Variants in MACROD2 observed in about 807,000 individuals in gnomAD.
MACROD2 encodes ADP-ribose glycohydrolase MACROD2.
Under a neutral mutation model 70.4 loss-of-function variants are expected in MACROD2, and 36 were observed. The observed-to-expected ratio is 0.51, with a 90% CI of 0.39 to 0.68. MACROD2 has a LOEUF of 0.68. MACROD2 is among the 30% of genes least tolerant of loss of function. The pLI, the probability that MACROD2 is intolerant of heterozygous loss-of-function variation, is 0.00. For synonymous variants in MACROD2, 172 were observed against 178.8 expected, an observed-to-expected ratio of 0.96 and a Z score of 0.30; for missense variants, 496 against 538.4, an observed-to-expected ratio of 0.92 and a Z score of 0.78.
At chr20:15,268,035 A>G (rs2077312405) in intron 6 of MACROD2, among the ~76,000 whole-genome samples, 1 of 152,228 alleles carries the variant, frequency 6.6e-6, no homozygotes, top group Admixed American at 6.5e-5. Flanking sequence ...CTGAGGAGAA[A>G]GTCCTAACAA....
At chr20:15,240,758 T>C (rs1470693071) in intron 6 of MACROD2, among the ~76,000 whole-genome samples, 1 of 152,070 alleles carries the variant, frequency 6.6e-6, no homozygotes. Context: ...TTAAATGAGT[T>C]GATAAGGATG....
At chr20:15,388,349 A>G (rs1007585490) in intron 6 of MACROD2, among the ~76,000 whole-genome samples, 1 of 152,136 alleles carries the variant, frequency 6.6e-6, no homozygotes, top group Non-Finnish European at 1.5e-5. Context: ...TCAGGTCCTT[A>G]TGCTGATCTG....
chr20:14,910,428 C>T (rs1380087475), intron 5 of MACROD2, among the ~76,000 whole-genome samples: 1 of 152,112 alleles, frequency 6.6e-6, no homozygotes, highest in Non-Finnish European at 1.5e-5. Flanking sequence ...AAAGAACATA[C>T]TGAAACAATT....
chr20:15,710,009 G>T (rs928287445), intron 8 of MACROD2, among the ~76,000 whole-genome samples: 1 of 151,842 alleles, frequency 6.6e-6, no homozygotes, highest in Non-Finnish European at 1.5e-5. Flanking sequence ...AACTTTTTTA[G>T]CTTCTACAGA....
At chr20:14,874,202 A>T (rs1279664175) in intron 5 of MACROD2, among the ~76,000 whole-genome samples, 5 of 151,988 alleles carry the variant, frequency 3.3e-5, no homozygotes, top group Non-Finnish European at 5.9e-5. Flanking sequence ...CATAATTTTT[A>T]AAAAAATAAT....
At chr20:15,177,716 AAGAAC>A (rs1350612729) in intron 5 of MACROD2, among the ~76,000 whole-genome samples, 2 of 152,244 alleles carry the variant, frequency 1.3e-5, no homozygotes, top group Admixed American at 6.5e-5. Context: ...GAAAGACAGA[AAGAAC>A]AGAATACTAG....
intron 5 of MACROD2, among the ~76,000 whole-genome samples, chr20:14,827,302 G>A (rs186689993): frequency 4.6e-5 from 7 of 152,156 alleles, no homozygotes; most frequent in Non-Finnish European, 7.4e-5. Context: ...CTTTCACAGC[G>A]ACCGCATTAA....
chr20:15,680,752 A>G (rs919698891), intron 8 of MACROD2, among the ~76,000 whole-genome samples: 2 of 152,214 alleles, frequency 1.3e-5, no homozygotes, highest in African/African-American at 4.8e-5. Flanking sequence ...ATTAGTGCGA[A>G]CCAACCACAT....
chr20:14,325,435 T>G (rs2082717288), intron 3 of MACROD2: 1 of 1,019,036 alleles, frequency 9.8e-7, no homozygotes, highest in African/African-American at 1.6e-5. Flanking sequence ...ATGGCAAATG[T>G]ACAGTACATT....
At chr20:15,466,797 C>T (rs1385815124) in intron 7 of MACROD2, among the ~76,000 whole-genome samples, 1 of 152,106 alleles carries the variant, frequency 6.6e-6, no homozygotes, top group African/African-American at 2.4e-5. Flanking sequence ...TATTTTTGTC[C>T]TCTGAAAGAA....
intron 8 of MACROD2, among the ~76,000 whole-genome samples, chr20:15,687,009 T>C (rs1206500841): frequency 1.2e-5 from 1 of 85,922 alleles, no homozygotes; most frequent in African/African-American, 8.3e-5. Flanking sequence ...TTTTTTTTCT[T>C]TTTTTTTTGC....
At chr20:14,435,830 C>T (rs1600234156) in intron 3 of MACROD2, among the ~76,000 whole-genome samples, 2 of 152,092 alleles carry the variant, frequency 1.3e-5, no homozygotes, top group East Asian at 3.9e-4. Flanking sequence ...CCTCAGCCTC[C>T]CAAGTAGCTG....
At chr20:15,230,374 T>G (rs963953988) in intron 6 of MACROD2, among the ~76,000 whole-genome samples, 3 of 152,190 alleles carry the variant, frequency 2.0e-5, no homozygotes, top group African/African-American at 7.2e-5. Context: ...GCCAGCAGAT[T>G]TAAAGAAGGA....
chr20:14,994,981 GA>G (rs553657941), intron 5 of MACROD2, among the ~76,000 whole-genome samples: 2 of 150,862 alleles, frequency 1.3e-5, no homozygotes, highest in South Asian at 2.1e-4. Context: ...TCTAAAAAAA[GA>G]AAAAAAAGTA....
At chr20:15,898,061 T>C (rs1299324441) in intron 10 of MACROD2, among the ~76,000 whole-genome samples, 2 of 152,200 alleles carry the variant, frequency 1.3e-5, no homozygotes, top group African/African-American at 4.8e-5. Context: ...CTTAAACCCA[T>C]GTTAGTCCAT....
chr20:14,774,044 A>G (rs2072204311), intron 5 of MACROD2, among the ~76,000 whole-genome samples: 1 of 152,032 alleles, frequency 6.6e-6, no homozygotes, highest in Non-Finnish European at 1.5e-5. Flanking sequence ...TATAATATAC[A>G]TTTACTTGAT....
intron 5 of MACROD2, among the ~76,000 whole-genome samples, chr20:14,802,214 C>G (rs2072585238): frequency 6.6e-6 from 1 of 151,994 alleles, no homozygotes; most frequent in Admixed American, 6.6e-5. Context: ...CTCTACTGTG[C>G]AAACTGTTTC....
chr20:15,187,432 T>C (rs946777340), intron 5 of MACROD2, among the ~76,000 whole-genome samples: 2 of 152,190 alleles, frequency 1.3e-5, no homozygotes, highest in Non-Finnish European at 2.9e-5. Context: ...ATGGATCAAC[T>C]AAAGTCAGCC....
chr20:14,052,278 A>G (rs2053577848), intron 2 of MACROD2, among the ~76,000 whole-genome samples: 1 of 152,098 alleles, frequency 6.6e-6, no homozygotes, highest in African/African-American at 2.4e-5. Flanking sequence ...CGAATTGCAG[A>G]CTCATTTACA....
Sources: gnomAD v4.1 joint callset for allele counts (sites outside exome capture counted in the v4.1 genomes callset) on GRCh38, gnomAD v4.1.1 for gene constraint, MANE v1.5 for transcripts, NCBI Gene and HGNC (gene_info 2026-07-23, HGNC 2026-07-21) for gene names.